The following RPTOR variants were observed in gnomAD, a reference collection of about 807,000 sequenced individuals.
RPTOR encodes regulatory associated protein of MTOR complex 1.
Under a neutral mutation model 169.9 loss-of-function variants are expected in RPTOR, and 21 were observed. The ratio of observed to expected loss-of-function variants is 0.12; its 90% confidence interval spans 0.09 to 0.18. The LOEUF (loss-of-function observed/expected upper bound fraction) is 0.18, where lower values mean the gene tolerates loss of function less well. Among genes scored for constraint, RPTOR ranks in the 10% least tolerant of loss-of-function variants. RPTOR has a pLI of 1.00. For missense variants in RPTOR, 1,133 were observed against 1,855.9 expected, an observed-to-expected ratio of 0.61 and a Z score of 7.16; for synonymous variants, 732 against 753.2, an observed-to-expected ratio of 0.97 and a Z score of 0.46.
At chr17:80,679,131 T>C (rs927066855) in intron 3 of RPTOR, among the ~76,000 whole-genome samples, 1 of 152,200 alleles carries the variant, frequency 6.6e-6, no homozygotes, top group African/African-American at 2.4e-5. Context: ...TAATCCCAGC[T>C]ACTCGGGAGG....
chr17:80,790,363 G>A (rs1406391179), intron 6 of RPTOR, among the ~76,000 whole-genome samples: 1 of 152,188 alleles, frequency 6.6e-6, no homozygotes, highest in Admixed American at 6.5e-5. Flanking sequence ...AGTGAGTGTG[G>A]CTGGCAGCCA....
chr17:80,839,092 C>T (rs758861503), intron 10 of RPTOR, among the ~76,000 whole-genome samples: 1 of 152,200 alleles, frequency 6.6e-6, no homozygotes, highest in African/African-American at 2.4e-5. Flanking sequence ...ACACCACAGC[C>T]GTCAGGGAAG....
intron 9 of RPTOR, among the ~76,000 whole-genome samples, chr17:80,825,816 G>A (rs1386457877): frequency 6.6e-6 from 1 of 152,220 alleles, no homozygotes; most frequent in African/African-American, 2.4e-5. Context: ...AGCCCGCATG[G>A]TCCATCATCC....
At chr17:80,671,039 G>A (rs1371055005) in intron 3 of RPTOR, among the ~76,000 whole-genome samples, 2 of 152,166 alleles carry the variant, frequency 1.3e-5, no homozygotes, top group Non-Finnish European at 2.9e-5. Context: ...TGGGAAGAGC[G>A]TGGGCCCTGG....
At chr17:80,712,409 G>C (rs2066202579) in intron 4 of RPTOR, among the ~76,000 whole-genome samples, 1 of 151,986 alleles carries the variant, frequency 6.6e-6, no homozygotes, top group African/African-American at 2.4e-5. Context: ...TCCTATAGTT[G>C]GACTCATATA....
intron 3 of RPTOR, among the ~76,000 whole-genome samples, chr17:80,665,437 C>T (rs1327979469): frequency 5.7e-5 from 1 of 17,394 alleles, no homozygotes; most frequent in African/African-American, 7.3e-4. Flanking sequence ...CCTTTCCTTT[C>T]CTTTCCTTTC....
intron 9 of RPTOR, among the ~76,000 whole-genome samples, chr17:80,830,645 G>A (rs1304710634): frequency 7.2e-5 from 11 of 152,132 alleles, no homozygotes; most frequent in South Asian, 2.1e-4. Context: ...CCGCAGGTGC[G>A]CTGCTCCAGT....
intron 9 of RPTOR, among the ~76,000 whole-genome samples, chr17:80,833,246 T>C (rs142992200): frequency 5.3e-5 from 8 of 152,250 alleles, no homozygotes; most frequent in African/African-American, 1.9e-4. Context: ...CTGGATGACA[T>C]GTTTTCCAGG....
chr17:80,917,329 G>A (rs1443620307), intron 21 of RPTOR, among the ~76,000 whole-genome samples: 1 of 151,996 alleles, frequency 6.6e-6, no homozygotes, highest in African/African-American at 2.4e-5. Flanking sequence ...GGCCAGGCTG[G>A]TCTTGAACTC....
intron 26 of RPTOR, among the ~76,000 whole-genome samples, chr17:80,946,567 G>A (rs560918401): frequency 1.1e-4 from 16 of 152,370 alleles, no homozygotes; most frequent in Middle Eastern, 3.4e-3. Context: ...TACCAGTGGA[G>A]TCACCCGGGA....
chr17:80,599,099 G>C (rs2065167100), intron 1 of RPTOR, among the ~76,000 whole-genome samples: 1 of 152,092 alleles, frequency 6.6e-6, no homozygotes, highest in Admixed American at 6.5e-5. Context: ...ATGTGACCTT[G>C]ACACTTCTGC....
At chr17:80,732,273 C>A (rs1230581397) in intron 5 of RPTOR, among the ~76,000 whole-genome samples, 2 of 152,092 alleles carry the variant, frequency 1.3e-5, no homozygotes, top group East Asian at 3.8e-4. Flanking sequence ...AGGGAAAGAC[C>A]AATACATCAG....
At chr17:80,618,744 C>T (rs1348808448) in intron 1 of RPTOR, among the ~76,000 whole-genome samples, 1 of 152,244 alleles carries the variant, frequency 6.6e-6, no homozygotes, top group Non-Finnish European at 1.5e-5. Context: ...GCACCTCTCC[C>T]CTCATTCCCA....
intron 3 of RPTOR, among the ~76,000 whole-genome samples, chr17:80,668,185 A>G (rs1397525461): frequency 6.6e-6 from 1 of 152,176 alleles, no homozygotes; most frequent in Non-Finnish European, 1.5e-5. Flanking sequence ...GGCCTCCACT[A>G]GACAAAGTTT....
chr17:80,691,665 G>A (rs992933683), intron 3 of RPTOR, among the ~76,000 whole-genome samples: 1 of 152,104 alleles, frequency 6.6e-6, no homozygotes, highest in African/African-American at 2.4e-5. Context: ...GTGCCATTTT[G>A]TACTTCTTCT....
At chr17:80,645,353 G>A (rs931365863) in intron 3 of RPTOR, among the ~76,000 whole-genome samples, 1 of 152,060 alleles carries the variant, frequency 6.6e-6, no homozygotes, top group East Asian at 1.9e-4. Flanking sequence ...GTACCTTTGC[G>A]TTTTACTAGA....
At chr17:80,660,892 A>G (rs1341837306) in intron 3 of RPTOR, among the ~76,000 whole-genome samples, 1 of 151,976 alleles carries the variant, frequency 6.6e-6, no homozygotes, top group East Asian at 1.9e-4. Flanking sequence ...GCTTCCTAAA[A>G]TGCCCTGTGG....
intron 28 of RPTOR, among the ~76,000 whole-genome samples, chr17:80,954,249 G>T (rs1172222570): frequency 6.6e-6 from 1 of 152,122 alleles, no homozygotes; most frequent in Non-Finnish European, 1.5e-5. Flanking sequence ...AGCCTCCCAA[G>T]TAGTTGGGAT....
chr17:80,620,840 AT>A (rs569644356), intron 1 of RPTOR, among the ~76,000 whole-genome samples: 1 of 151,954 alleles, frequency 6.6e-6, no homozygotes, highest in Admixed American at 6.6e-5. Context: ...AGCAAGACGT[AT>A]TTTTTTTGGC....
Sources: gnomAD v4.1 joint callset for allele counts (sites outside exome capture counted in the v4.1 genomes callset) on GRCh38, gnomAD v4.1.1 for gene constraint, MANE v1.5 for transcripts, NCBI Gene and HGNC (gene_info 2026-07-23, HGNC 2026-07-21) for gene names.